SLC13A3: variants seen among roughly 807,000 people sequenced by gnomAD.
SLC13A3 encodes Na(+)/dicarboxylate cotransporter 3.
In SLC13A3, 40 loss-of-function variants were observed where a neutral mutation model predicts 59.0. The ratio of observed to expected loss-of-function variants is 0.68; its 90% CI spans 0.53 to 0.88. The LOEUF is 0.88. SLC13A3 is among the 40% of genes least tolerant of loss of function. The probability of loss-of-function intolerance (pLI) is 0.00; values close to 1 mark genes in which losing one functional copy is unlikely to be tolerated. For missense variants in SLC13A3, 699 were observed against 783.2 expected (o/e 0.89, Z 1.28); for synonymous variants, 317 against 330.3 (o/e 0.96, Z 0.44).
chr20:46,681,925 G>A (rs1313307246), intron 1 of SLC13A3: 1 of 152,170 alleles, frequency 6.6e-6, no homozygotes. Flanking sequence ...ATCAATTCAT[G>A]AGGGCAGAGG....
intron 5 of SLC13A3, among the ~76,000 whole-genome samples, chr20:46,595,102 G>A (rs1478950023): frequency 6.6e-6 from 1 of 152,096 alleles, no homozygotes; most frequent in African/African-American, 2.4e-5. Context: ...GGTGTCCTTT[G>A]TTGGCCAAAT....
intron 1 of SLC13A3, among the ~76,000 whole-genome samples, chr20:46,627,527 C>G (rs1233093399): frequency 6.6e-6 from 1 of 152,018 alleles, no homozygotes; most frequent in Non-Finnish European, 1.5e-5. Context: ...TCCCGTGATG[C>G]CAGCTCTCCT....
At chr20:46,648,664 C>G (rs115515028) in intron 1 of SLC13A3, among the ~76,000 whole-genome samples, 1 of 152,084 alleles carries the variant, frequency 6.6e-6, no homozygotes, top group Non-Finnish European at 1.5e-5. Flanking sequence ...CAGCACTTTG[C>G]GTAGCCGAGG....
intron 1 of SLC13A3, among the ~76,000 whole-genome samples, chr20:46,659,250 G>T (rs2063012300): frequency 6.6e-6 from 1 of 151,556 alleles, no homozygotes; most frequent in African/African-American, 2.4e-5. Flanking sequence ...CTCCTCTCTT[G>T]CTTTCTTTTG....
rs1555884141 is a variant in SLC13A3 at position 46,659,718 on chromosome 20, C to CCT, written c.-31+10324_-31+10325insAG. On this transcript the variant is annotated intron_variant, in intron 1 of 12. Transcript: ENST00000290317. ...GTGACAGAGTGAGACCCTATCCCCC[C>CCT]CCCCCAAAAAAAAAAAGAAAAAACA... 1.2e-4 allele frequency among the ~76,000 whole-genome samples: 18 copies of CCT among 148,714 alleles called. 1 individual carries two copies. The highest frequency in any genetic ancestry group is 3.9e-4 in the East Asian group (2 of 5,080).
chr20:46,600,707 T>C, intron 3 of SLC13A3: 2 of 343,978 alleles, frequency 5.8e-6, no homozygotes, highest in Admixed American at 2.8e-5. Flanking sequence ...ATTGAGCACC[T>C]ACTATGTGCT....
intron 1 of SLC13A3, among the ~76,000 whole-genome samples, chr20:46,642,630 C>A (rs998818459): frequency 1.3e-5 from 2 of 152,150 alleles, no homozygotes. Flanking sequence ...CAGGAGCACC[C>A]TTCCTTCCTC....
At position 46,596,190 on chromosome 20, in the gene SLC13A3, G is replaced by A; in HGVS notation, c.761C>T (p.Ala254Val). ...CTGGCCAAGCAGGATGAGGTTAGGGGCTGTGCCCGTGAGTGTGGCTGTGCC... is the reference window on the plus strand; with the variant it reads ...CTGGCCAAGCAGGATGAGGTTAGGGACTGTGCCCGTGAGTGTGGCTGTGCC... The part of the protein sequence containing the change: ...IGGTATLTGT[A>V]PNLILLGQLK... The change falls in exon 5 of 13, where the codon GCC becomes GTC. Residue 254 changes from alanine (A) to valine (V), a missense_variant. Transcript: ENST00000279027. 1 of 1,613,994 alleles carries A rather than the reference G, an allele frequency of 6.2e-7. No individual in the cohort carries two copies. Among genetic ancestry groups the A allele is most frequent in the Non-Finnish European group, 8.5e-7 (1 of 1,180,022 alleles).
In SLC13A3 at chr20:46,589,396, C is replaced by A. The variant is rs76187389; in HGVS notation, c.921-141G>T. On this transcript the variant is annotated intron_variant, in intron 6 of 12. Transcript: ENST00000279027. ...TGCCTGATAGCTTGTCTCCCTGCAA[C>A]TGTCTTCCTTTGCTACAGTTGTTCT... 2,421 of 656,314 alleles carry A rather than the reference C, an allele frequency of 3.7e-3. 39 individuals carry two copies. Among genetic ancestry groups the A allele is most frequent in the African/African-American group, 0.035 (1,969 of 55,482 alleles). 40.7% of individuals were successfully genotyped at this position (656,314 alleles called of 1,614,324 possible). A position where few individuals can be genotyped will look rare whatever the true frequency, so the allele number is the denominator to read the frequency against.
At chr20:46,636,997 C>T (rs2062802016) in intron 1 of SLC13A3, among the ~76,000 whole-genome samples, 1 of 152,096 alleles carries the variant, frequency 6.6e-6, no homozygotes, top group East Asian at 1.9e-4. Flanking sequence ...GATGGGATTT[C>T]ACCATGTTGA....
intron 1 of SLC13A3, among the ~76,000 whole-genome samples, chr20:46,683,949 A>C (rs1354928158): frequency 1.3e-5 from 2 of 151,984 alleles, no homozygotes; most frequent in South Asian, 4.2e-4. Context: ...TCTGCCAGCA[A>C]CCAATGCAAC....
At position 46,619,879 on chromosome 20, in the gene SLC13A3, C is replaced by T. The variant is rs117084323; in HGVS notation, c.112-6154G>A. Among the ~76,000 whole-genome samples the T allele has an allele frequency of 6.0e-3, 909 of 152,272 alleles. 19 individuals are homozygous for T. Among genetic ancestry groups the T allele is most frequent in the East Asian group, 0.046 (236 of 5,184 alleles). On this transcript the variant is annotated intron_variant, in intron 1 of 12. Coordinates refer to ENST00000279027, the MANE Select transcript of SLC13A3 (RefSeq NM_022829.6). ...AGCAGAACAGCACAGCGGTTAAGAACATGGGCTTGTTGCAAGACTTCCTGG... is the reference window on the plus strand; with the variant it reads ...AGCAGAACAGCACAGCGGTTAAGAATATGGGCTTGTTGCAAGACTTCCTGG...
At chr20:46,621,496 G>A (rs1248837344) in intron 1 of SLC13A3, among the ~76,000 whole-genome samples, 1 of 152,142 alleles carries the variant, frequency 6.6e-6, no homozygotes, top group African/African-American at 2.4e-5. Context: ...ACTTGATGGA[G>A]CTTATGTTGA....
intron 3 of SLC13A3, among the ~76,000 whole-genome samples, chr20:46,606,505 T>C (rs1013785674): frequency 3.9e-5 from 6 of 152,146 alleles, no homozygotes; most frequent in Non-Finnish European, 8.8e-5. Flanking sequence ...GTTAGCTTTC[T>C]ATGGACAGAG....
At chr20:46,600,332 G>GA (rs368788335) in intron 3 of SLC13A3, among the ~76,000 whole-genome samples, 8 of 124,242 alleles carry the variant, frequency 6.4e-5, no homozygotes, top group South Asian at 5.6e-4. Flanking sequence ...GGAAAGGAAG[G>GA]AAGGAAGGAA....
At chr20:46,671,182 A>G (rs572328189), upstream of SLC13A3, among the ~76,000 whole-genome samples, 2 of 152,256 alleles carry the variant, frequency 1.3e-5, no homozygotes, top group South Asian at 4.1e-4. Context: ...AGCCAAGGTC[A>G]TGTTTCCTTC....
At chr20:46,599,128 T>A (rs1359094364) in intron 4 of SLC13A3, among the ~76,000 whole-genome samples, 2 of 152,226 alleles carry the variant, frequency 1.3e-5, no homozygotes, top group Non-Finnish European at 2.9e-5. Flanking sequence ...ATGGATTACA[T>A]TCACTTATCC....
intron 3 of SLC13A3, among the ~76,000 whole-genome samples, chr20:46,605,020 T>C (rs531181216): frequency 6.6e-6 from 1 of 152,272 alleles, no homozygotes; most frequent in Non-Finnish European, 1.5e-5. Context: ...ATAGGGAAAC[T>C]GAGCTCACCA....
At chr20:46,580,162 G>A (rs993852063) in intron 9 of SLC13A3, among the ~76,000 whole-genome samples, 12 of 152,058 alleles carry the variant, frequency 7.9e-5, no homozygotes, top group Non-Finnish European at 1.8e-4. Flanking sequence ...CGCCATGTTG[G>A]CCAGGCTGCT....
Sources: gnomAD v4.1 joint callset for allele counts (sites outside exome capture counted in the v4.1 genomes callset) on GRCh38, gnomAD v4.1.1 for gene constraint, MANE v1.5 for transcripts, NCBI Gene and HGNC (gene_info 2026-07-23, HGNC 2026-07-21) for gene names.